CATSPERT: variants seen among roughly 807,000 people sequenced by gnomAD.
CATSPERT encodes cation channel sperm-associated targeting subunit tau.
chr2:201,554,429 C>A, the CATSPERT span: 1 of 152,014 alleles, frequency 6.6e-6, no homozygotes, highest in Non-Finnish European at 1.5e-5. Flanking sequence ...GCCAGTGACA[C>A]GATATTCTAA....
chr2:201,541,144 T>C, the CATSPERT span, among the ~76,000 whole-genome samples: 3 of 152,182 alleles, frequency 2.0e-5, no homozygotes, highest in Admixed American at 6.6e-5. Flanking sequence ...TTGCTTCTTA[T>C]GGATGAGCAA....
chr2:201,616,906 C>T, the CATSPERT span, among the ~76,000 whole-genome samples: 1 of 152,166 alleles, frequency 6.6e-6, no homozygotes, highest in Non-Finnish European at 1.5e-5. Flanking sequence ...CATTCCTATA[C>T]ACCAATAACA....
At chr2:201,580,888 A>G in the CATSPERT span, among the ~76,000 whole-genome samples, 1 of 152,176 alleles carries the variant, frequency 6.6e-6, no homozygotes, top group East Asian at 1.9e-4. Context: ...GCTAACCTCT[A>G]AAAGACACAT....
the CATSPERT span, among the ~76,000 whole-genome samples, chr2:201,533,152 C>A: frequency 6.6e-6 from 1 of 152,080 alleles, no homozygotes; most frequent in Non-Finnish European, 1.5e-5. Context: ...TAATTTGATA[C>A]ACAGGAAGCC....
chr2:201,584,655 C>T, the CATSPERT span, among the ~76,000 whole-genome samples: 7 of 151,772 alleles, frequency 4.6e-5, no homozygotes, highest in South Asian at 2.1e-4. Context: ...TGGTGTCGCA[C>T]GCCTGTAATC....
At chr2:201,607,298 T>C in the CATSPERT span, among the ~76,000 whole-genome samples, 4 of 152,196 alleles carry the variant, frequency 2.6e-5, no homozygotes, top group African/African-American at 7.2e-5. Context: ...AGATGCTGCA[T>C]GCAATTTGCT....
the CATSPERT span, among the ~76,000 whole-genome samples, chr2:201,601,275 T>TG: frequency 8.7e-6 from 1 of 114,652 alleles, no homozygotes. Context: ...AGGATGATAG[T>TG]GTGTGTGTGT....
At chr2:201,547,432 T>G in the CATSPERT span, 1 of 860,876 alleles carries the variant, frequency 1.2e-6, no homozygotes, top group Non-Finnish European at 1.7e-6. Context: ...ATCATCACTT[T>G]TAATTATCAT....
chr2:201,595,180 T>C, the CATSPERT span, among the ~76,000 whole-genome samples: 1 of 141,682 alleles, frequency 7.1e-6, no homozygotes, highest in African/African-American at 2.5e-5. Flanking sequence ...TTCTGTTTGT[T>C]AGTTTTCCTT....
the CATSPERT span, chr2:201,492,940 C>T: frequency 2.0e-5 from 30 of 1,536,424 alleles, no homozygotes; most frequent in East Asian, 1.5e-4. Context: ...TAGAAACACA[C>T]GCAACTTTGG....
At chr2:201,546,811 T>C in the CATSPERT span, among the ~76,000 whole-genome samples, 1 of 152,104 alleles carries the variant, frequency 6.6e-6, no homozygotes, top group African/African-American at 2.4e-5. Context: ...TGTTCACACA[T>C]AAACTTGCAC....
chr2:201,517,513 C>T, the CATSPERT span, among the ~76,000 whole-genome samples: 1 of 152,206 alleles, frequency 6.6e-6, no homozygotes, highest in African/African-American at 2.4e-5. Context: ...TTTTACCCTA[C>T]TTACAAGCTG....
At chr2:201,575,355 T>C in the CATSPERT span, 2 of 1,544,110 alleles carry the variant, frequency 1.3e-6, no homozygotes, top group East Asian at 4.8e-5. Flanking sequence ...ATTTTAAATA[T>C]AGAATTACCC....
chr2:201,610,724 T>C, the CATSPERT span, among the ~76,000 whole-genome samples: 11 of 152,194 alleles, frequency 7.2e-5, no homozygotes, highest in South Asian at 2.1e-3. Flanking sequence ...AACAAAATAC[T>C]AGCAAACTGA....
chr2:201,506,017 G>A, the CATSPERT span, among the ~76,000 whole-genome samples: 2 of 152,016 alleles, frequency 1.3e-5, no homozygotes, highest in African/African-American at 4.8e-5. Flanking sequence ...CCTGTAATCC[G>A]AGCACTTTGG....
chr2:201,618,357 C>T, the CATSPERT span, among the ~76,000 whole-genome samples: 2 of 152,142 alleles, frequency 1.3e-5, no homozygotes, highest in Non-Finnish European at 2.9e-5. Flanking sequence ...GGCACATATA[C>T]ACCATGGAAT....
At chr2:201,599,802 A>T in the CATSPERT span, among the ~76,000 whole-genome samples, 1 of 152,156 alleles carries the variant, frequency 6.6e-6, no homozygotes, top group Non-Finnish European at 1.5e-5. Flanking sequence ...TATACTTTAC[A>T]TTATTTTCAA....
the CATSPERT span, chr2:201,534,818 CTG>C: frequency 2.3e-6 from 2 of 877,412 alleles, no homozygotes; most frequent in African/African-American, 1.8e-5. Context: ...AATATGAAAA[CTG>C]TTTAAAAACT....
the CATSPERT span, among the ~76,000 whole-genome samples, chr2:201,605,456 G>A: frequency 1.3e-5 from 2 of 151,554 alleles, no homozygotes; most frequent in Non-Finnish European, 2.9e-5. Flanking sequence ...ATATAAGAGG[G>A]GAAAATTAAG....
Sources: allele counts gnomAD v4.1 joint callset (sites outside exome capture counted in the v4.1 genomes callset), GRCh38; gene constraint gnomAD v4.1.1; transcripts MANE v1.5; gene names NCBI Gene and HGNC (gene_info 2026-07-23, HGNC 2026-07-21).